Variants in KCNIP4 observed in about 807,000 individuals in gnomAD.
KCNIP4 encodes Kv channel-interacting protein 4.
KCNIP4 carries 12 observed loss-of-function variants against 34.0 expected under a neutral mutation model. The ratio of observed to expected loss-of-function variants is 0.35; its 90% CI spans 0.23 to 0.57. The LOEUF is 0.57. Ranked by LOEUF, KCNIP4 falls within the 20% of genes least tolerant of loss-of-function variation. The probability of loss-of-function intolerance (pLI) is 0.83; values close to 1 mark genes in which losing one functional copy is unlikely to be tolerated. For missense variants in KCNIP4, 238 were observed against 311.7 expected (o/e 0.76, Z 1.78); for synonymous variants, 124 against 102.2 (o/e 1.21, Z -1.29).
intron 1 of KCNIP4, among the ~76,000 whole-genome samples, chr4:21,860,803 T>C (rs1335975753): frequency 1.3e-5 from 2 of 152,226 alleles, no homozygotes; most frequent in African/African-American, 2.4e-5. Flanking sequence ...GACATAACTA[T>C]GGCTCCAATA....
intron 1 of KCNIP4, among the ~76,000 whole-genome samples, chr4:21,932,948 T>G (rs1303286204): frequency 6.6e-6 from 1 of 151,774 alleles, no homozygotes; most frequent in African/African-American, 2.4e-5. Flanking sequence ...TCAAAACATT[T>G]TGGAGACTGC....
chr4:21,043,711 G>C (rs10034316), intron 1 of KCNIP4, among the ~76,000 whole-genome samples: 4,189 of 152,132 alleles, frequency 0.028, 165 homozygotes, highest in African/African-American at 0.095. Context: ...ATATATGCCA[G>C]AAACTGCTAT....
intron 1 of KCNIP4, among the ~76,000 whole-genome samples, chr4:21,286,421 A>G (rs2109188934): frequency 6.6e-6 from 1 of 152,310 alleles, no homozygotes; most frequent in Admixed American, 6.5e-5. Flanking sequence ...CACAATGGCA[A>G]ATGGGGAAAT....
chr4:20,824,720 T>G (rs181309845), intron 3 of KCNIP4, among the ~76,000 whole-genome samples: 2 of 152,288 alleles, frequency 1.3e-5, no homozygotes, highest in East Asian at 3.9e-4. Context: ...TTTGAGGTCC[T>G]TTTAAAGTCC....
intron 1 of KCNIP4, among the ~76,000 whole-genome samples, chr4:21,478,665 T>C (rs1024688642): frequency 4.6e-5 from 7 of 152,126 alleles, no homozygotes; most frequent in Non-Finnish European, 1.0e-4. Flanking sequence ...AATGTCTCAT[T>C]CCCTTTTAGA....
At chr4:20,744,122 G>A (rs1751851263) in intron 5 of KCNIP4, among the ~76,000 whole-genome samples, 1 of 152,090 alleles carries the variant, frequency 6.6e-6, no homozygotes, top group Admixed American at 6.6e-5. Context: ...AACAGATGCT[G>A]GAGAGGATGT....
chr4:20,855,410 A>G (rs1429826834), intron 2 of KCNIP4, among the ~76,000 whole-genome samples: 1 of 152,128 alleles, frequency 6.6e-6, no homozygotes, highest in Non-Finnish European at 1.5e-5. Context: ...TCTAAGGATA[A>G]CAGTCAGCTC....
intron 1 of KCNIP4, among the ~76,000 whole-genome samples, chr4:21,299,503 TG>T (rs1374945141): frequency 1.3e-5 from 2 of 152,178 alleles, no homozygotes; most frequent in Admixed American, 1.3e-4. Context: ...AAAGATTGTA[TG>T]TTTAAGTTTT....
At chr4:21,611,499 T>G (rs955179112) in intron 1 of KCNIP4, among the ~76,000 whole-genome samples, 6 of 152,148 alleles carry the variant, frequency 3.9e-5, no homozygotes, top group Admixed American at 3.3e-4. Flanking sequence ...GTATGAGATT[T>G]GGGTGGGGAC....
chr4:21,037,839 G>T (rs1741588049), intron 1 of KCNIP4, among the ~76,000 whole-genome samples: 1 of 151,944 alleles, frequency 6.6e-6, no homozygotes, highest in Admixed American at 6.6e-5. Flanking sequence ...TTAAATCAAT[G>T]ACCTCAAATG....
chr4:21,690,988 A>G (rs1158989022), intron 1 of KCNIP4, among the ~76,000 whole-genome samples: 1 of 152,222 alleles, frequency 6.6e-6, no homozygotes, highest in Non-Finnish European at 1.5e-5. Flanking sequence ...ACGATGTGGT[A>G]GAATGATAGG....
In KCNIP4 at chr4:21,151,405, A is replaced by ATT. The variant is rs1491541435; in HGVS notation, c.62-268697_62-268696insAA. 5.5e-3 allele frequency among the ~76,000 whole-genome samples: 511 copies of ATT among 93,494 alleles called. 99 individuals are homozygous for ATT. Among genetic ancestry groups the ATT allele is most frequent in the African/African-American group, 0.019 (475 of 24,704 alleles). The allele number at this position is 93,494 out of a possible 152,430, so 61.3% of individuals were successfully genotyped here. A position where few individuals can be genotyped will look rare whatever the true frequency, so the allele number is the denominator to read the frequency against. On this transcript the variant is annotated intron_variant, in intron 1 of 8. Coordinates refer to ENST00000382152, the MANE Select transcript of KCNIP4 (RefSeq NM_025221.6). The stretch of plus-strand genomic sequence containing the variant: ...AGAATGGATGTCTTCAACAAAAGAC[A>ATT]ATTTTTTTTTTTTTTTTTTTTTTTT...
intron 1 of KCNIP4, among the ~76,000 whole-genome samples, chr4:21,327,819 TC>T (rs572568458): frequency 3.0e-4 from 46 of 152,136 alleles, no homozygotes; most frequent in African/African-American, 1.0e-3. Flanking sequence ...TTCTGCTTGA[TC>T]AATTCTGCTG....
chr4:21,746,701 C>T (rs1400884475), intron 1 of KCNIP4, among the ~76,000 whole-genome samples: 1 of 151,984 alleles, frequency 6.6e-6, no homozygotes, highest in Non-Finnish European at 1.5e-5. Flanking sequence ...TTGAACCAAT[C>T]TAAGGGCTCA....
intron 1 of KCNIP4, among the ~76,000 whole-genome samples, chr4:21,040,628 T>A (rs1286011328): frequency 1.3e-5 from 2 of 152,160 alleles, no homozygotes; most frequent in Non-Finnish European, 2.9e-5. Context: ...CTTCCTTCTT[T>A]ACTGCAATGC....
intron 1 of KCNIP4, among the ~76,000 whole-genome samples, chr4:21,202,880 G>T (rs1182532265): frequency 1.3e-5 from 2 of 152,118 alleles, no homozygotes; most frequent in Non-Finnish European, 1.5e-5. Context: ...ACATTTGTTG[G>T]CCACAATAGG....
At chr4:21,759,789 G>C (rs893554210) in intron 1 of KCNIP4, among the ~76,000 whole-genome samples, 1 of 151,992 alleles carries the variant, frequency 6.6e-6, no homozygotes, top group Non-Finnish European at 1.5e-5. Context: ...CCATTATCTT[G>C]CCACCTGTCC....
chr4:21,106,514 G>T (rs1748551917), intron 1 of KCNIP4, among the ~76,000 whole-genome samples: 1 of 151,394 alleles, frequency 6.6e-6, no homozygotes, highest in Non-Finnish European at 1.5e-5. Flanking sequence ...CTTGCTAGCA[G>T]TCTATCAATT....
chr4:21,504,700 A>G (rs751606665), intron 1 of KCNIP4, among the ~76,000 whole-genome samples: 1 of 152,100 alleles, frequency 6.6e-6, no homozygotes, highest in Non-Finnish European at 1.5e-5. Context: ...GTTAGAATAC[A>G]ATGATTTGGG....
Sources: allele counts gnomAD v4.1 joint callset (sites outside exome capture counted in the v4.1 genomes callset), GRCh38; gene constraint gnomAD v4.1.1; transcripts MANE v1.5; gene names NCBI Gene and HGNC (gene_info 2026-07-23, HGNC 2026-07-21).